Variants in WDR27 observed in about 807,000 individuals in gnomAD.
The protein encoded by WDR27 is WD repeat-containing protein 27.
A neutral mutation model predicts 114.4 loss-of-function variants in WDR27; 100 were observed. The observed-to-expected ratio is 0.87, with a 90% CI of 0.74 to 1.03. WDR27 has a LOEUF of 1.03. WDR27 is among the 50% of genes least tolerant of loss of function. WDR27 has a pLI of 0.00. For missense variants in WDR27, 1,129 were observed against 1,092.9 expected (o/e 1.03, Z -0.47); for synonymous variants, 449 against 423.1 (o/e 1.06, Z -0.75).
chr6:169,635,275 C>T (rs1011244217), intron 19 of WDR27, among the ~76,000 whole-genome samples: 3 of 152,200 alleles, frequency 2.0e-5, no homozygotes, highest in Non-Finnish European at 4.4e-5. Context: ...ATCCCAGCCA[C>T]TTGGGAGGCT....
intron 21 of WDR27, among the ~76,000 whole-genome samples, chr6:169,626,170 C>A (rs927916988): frequency 6.6e-6 from 1 of 152,178 alleles, no homozygotes; most frequent in Admixed American, 6.5e-5. Flanking sequence ...TAGGCGGAGA[C>A]AAGCCCGCGG....
At chr6:169,701,358 A>G (rs1432795999) in intron 1 of WDR27, among the ~76,000 whole-genome samples, 193 bp downstream of exon 1, 1 of 152,196 alleles carries the variant, frequency 6.6e-6, no homozygotes, top group Non-Finnish European at 1.5e-5. Flanking sequence ...GGTAGTTACC[A>G]CGCAGGTTGA....
intron 25 of WDR27, among the ~76,000 whole-genome samples, chr6:169,522,488 A>G (rs1794498069): frequency 6.6e-6 from 1 of 152,092 alleles, no homozygotes; most frequent in Non-Finnish European, 1.5e-5. Flanking sequence ...CATTTACAGA[A>G]CATTTCACGC....
chr6:169,548,951 C>T (rs1797774125), intron 25 of WDR27, among the ~76,000 whole-genome samples: 1 of 152,114 alleles, frequency 6.6e-6, no homozygotes, highest in Admixed American at 6.5e-5. Context: ...CTATATAATT[C>T]CTAGAAGATA....
At chr6:169,583,479 GTATATATACATATATATATATATA>G (rs1562629952) in intron 23 of WDR27, among the ~76,000 whole-genome samples, 155 of 12,680 alleles carry the variant, frequency 0.012, 1 homozygote, top group Non-Finnish European at 0.013. Context: ...GTGTGTGTGT[GTATATATACATATATATATATATA>G]TGTATATATA....
At chr6:169,558,300 T>C (rs1009223248) in intron 25 of WDR27, 1 of 152,172 alleles carries the variant, frequency 6.6e-6, no homozygotes, top group African/African-American at 2.4e-5. Flanking sequence ...TCAGGAAGCA[T>C]CAATTGAACA....
At chr6:169,689,804 G>A (rs1367215705) in intron 1 of WDR27, among the ~76,000 whole-genome samples, 1 of 152,232 alleles carries the variant, frequency 6.6e-6, no homozygotes. Flanking sequence ...AAAGTGATGG[G>A]CAAGCACCCA....
At chr6:169,498,836 T>C (rs189692345) in intron 25 of WDR27, among the ~76,000 whole-genome samples, 8 of 152,188 alleles carry the variant, frequency 5.3e-5, no homozygotes, top group African/African-American at 1.9e-4. Flanking sequence ...TGGGGGAGCG[T>C]GCGTGGTTTA....
chr6:169,670,914 C>G (rs1395992034), intron 3 of WDR27: 1 of 531,824 alleles, frequency 1.9e-6, no homozygotes, highest in Non-Finnish European at 3.2e-6. Flanking sequence ...GAGACTCTCT[C>G]AGCATCGAAA....
intron 2 of WDR27, among the ~76,000 whole-genome samples, chr6:169,673,806 T>C (rs1779383262): frequency 6.6e-6 from 1 of 152,182 alleles, no homozygotes; most frequent in South Asian, 2.1e-4. Flanking sequence ...TTAATGTTGA[T>C]AACTCTACAA....
At chr6:169,622,619 G>A (rs1214529315) in intron 21 of WDR27, among the ~76,000 whole-genome samples, 2 of 152,128 alleles carry the variant, frequency 1.3e-5, no homozygotes, top group African/African-American at 4.8e-5. Context: ...GACTGAAAAC[G>A]AAGTTTAACA....
At chr6:169,452,502 G>A (rs73789950), downstream of WDR27, among the ~76,000 whole-genome samples, 84 of 13,534 alleles carry the variant, frequency 6.2e-3, no homozygotes, top group Middle Eastern at 0.026. Flanking sequence ...CGTGGGGTCA[G>A]AGAGGAGCCG....
chr6:169,488,946 C>CT (rs35035417), intron 25 of WDR27, among the ~76,000 whole-genome samples: 66,038 of 135,468 alleles, frequency 0.49, 18,233 homozygotes, highest in Non-Finnish European at 0.65. Flanking sequence ...TTGATGCCCC[C>CT]TTTTTTTTTT....
At chr6:169,686,512 G>A (rs577857650) in intron 2 of WDR27, among the ~76,000 whole-genome samples, 48 of 152,072 alleles carry the variant, frequency 3.2e-4, no homozygotes, top group Non-Finnish European at 6.5e-4. Context: ...TGTGGACTAC[G>A]AGAAACTCAT....
chr6:169,469,535 T>C (rs1351418966), intron 25 of WDR27, among the ~76,000 whole-genome samples: 1 of 152,194 alleles, frequency 6.6e-6, no homozygotes, highest in Non-Finnish European at 1.5e-5. Context: ...AGCAGGGACA[T>C]TCCTGACCCA....
intron 13 of WDR27, among the ~76,000 whole-genome samples, chr6:169,654,716 G>A (rs1451541941): frequency 1.6e-5 from 2 of 127,894 alleles, no homozygotes; most frequent in African/African-American, 6.2e-5. Context: ...GCGCGCACAG[G>A]AGAAGGAGGC....
intron 14 of WDR27, among the ~76,000 whole-genome samples, chr6:169,649,689 TG>T (rs1821739752): frequency 6.6e-6 from 1 of 151,944 alleles, no homozygotes; most frequent in South Asian, 2.1e-4. Flanking sequence ...CAGATGCCAT[TG>T]GAGCAGAATT....
intron 23 of WDR27, among the ~76,000 whole-genome samples, chr6:169,588,064 A>G (rs1584419747): frequency 6.6e-6 from 1 of 152,236 alleles, no homozygotes. Flanking sequence ...CACGAGAGCT[A>G]TAAGAGACCG....
the WDR27 span, among the ~76,000 whole-genome samples, chr6:169,447,329 C>G: frequency 6.6e-6 from 1 of 152,132 alleles, no homozygotes; most frequent in Non-Finnish European, 1.5e-5. Flanking sequence ...AAATACTATC[C>G]TCAACAAATC....
Sources: allele counts gnomAD v4.1 joint callset (sites outside exome capture counted in the v4.1 genomes callset), GRCh38; gene constraint gnomAD v4.1.1; transcripts MANE v1.5; gene names NCBI Gene and HGNC (gene_info 2026-07-23, HGNC 2026-07-21).